SMAP1: variants seen among roughly 807,000 people sequenced by gnomAD.
SMAP1 encodes small ArfGAP 1.
SMAP1 carries 24 observed loss-of-function variants against 58.5 expected under a neutral mutation model. That is an observed-to-expected ratio of 0.41 (90% confidence interval 0.30 to 0.58). The LOEUF is 0.58. SMAP1 is among the 20% of genes least tolerant of loss of function. The probability of loss-of-function intolerance (pLI) is 0.29; values close to 1 mark genes in which losing one functional copy is unlikely to be tolerated. For missense variants in SMAP1, 563 were observed against 566.3 expected (o/e 0.99, Z 0.06); for synonymous variants, 216 against 196.6 (o/e 1.10, Z -0.82).
intron 10 of SMAP1, chr6:70,859,378 A>C (rs1220810738): frequency 1.3e-6 from 2 of 1,549,492 alleles, no homozygotes; most frequent in Non-Finnish European, 8.7e-7. Context: ...AGTGCAATCT[A>C]CTGGCCAATG....
At chr6:70,746,064 G>A (rs893338823) in intron 2 of SMAP1, among the ~76,000 whole-genome samples, 7 of 152,180 alleles carry the variant, frequency 4.6e-5, no homozygotes, top group African/African-American at 1.7e-4. Context: ...ATCTTAAGGA[G>A]ATTTTGGGCT....
At chr6:70,818,549 G>A (rs532232220) in intron 6 of SMAP1, among the ~76,000 whole-genome samples, 31 of 152,302 alleles carry the variant, frequency 2.0e-4, no homozygotes, top group African/African-American at 7.5e-4. Flanking sequence ...TTGGCCTTGA[G>A]GCAGGATGTT....
At chr6:70,716,822 G>T (rs1328106005) in intron 1 of SMAP1, among the ~76,000 whole-genome samples, 2 of 152,030 alleles carry the variant, frequency 1.3e-5, no homozygotes, top group African/African-American at 2.4e-5. Flanking sequence ...AAAATTCCTT[G>T]TTGGGTAAAT....
intron 3 of SMAP1, among the ~76,000 whole-genome samples, chr6:70,771,404 C>G (rs1383053770): frequency 6.6e-6 from 1 of 152,224 alleles, no homozygotes; most frequent in Non-Finnish European, 1.5e-5. Flanking sequence ...TGGGCTCCAC[C>G]CAGTTGGAGC....
intron 3 of SMAP1, among the ~76,000 whole-genome samples, chr6:70,758,300 T>C (rs373135238): frequency 6.8e-6 from 1 of 146,420 alleles, no homozygotes. Context: ...TATTCTCACT[T>C]ATAGGTGGGA....
chr6:70,760,972 A>G (rs1766723403), intron 3 of SMAP1, among the ~76,000 whole-genome samples: 1 of 152,008 alleles, frequency 6.6e-6, no homozygotes, highest in Non-Finnish European at 1.5e-5. Context: ...AAAAACTTTA[A>G]TTACTTCAGT....
At chr6:70,761,943 A>G (rs749020478) in intron 3 of SMAP1, among the ~76,000 whole-genome samples, 3 of 152,086 alleles carry the variant, frequency 2.0e-5, no homozygotes, top group Non-Finnish European at 2.9e-5. Context: ...GAGTATTACT[A>G]TCTTTTTTAC....
intron 8 of SMAP1, among the ~76,000 whole-genome samples, chr6:70,854,711 G>A (rs1247444664): frequency 6.6e-6 from 1 of 152,042 alleles, no homozygotes; most frequent in Non-Finnish European, 1.5e-5. Flanking sequence ...TGCATATATT[G>A]CTACCATGTA....
Position 70,732,290 on chromosome 6 carries a change from A to G in SMAP1, c.119-88A>G, listed in dbSNP as rs147769508. The stretch of plus-strand genomic sequence containing the variant: ...TTCTGTAAGCTTCCATTATAATTAT[A>G]TAAAACCGAGAATGCTTCTAATATG... On this transcript the variant is annotated intron_variant, in intron 1 of 10. Coordinates refer to ENST00000370455, the MANE Select transcript of SMAP1 (RefSeq NM_001044305.3). The G allele has an allele frequency of 4.3e-6, 6 of 1,384,800 alleles. No individual in the cohort carries two copies. The East Asian group carries it at 9.6e-5, about 22-fold the overall frequency. 85.8% of individuals were successfully genotyped at this position (1,384,800 alleles called of 1,614,324 possible). A position where few individuals can be genotyped will look rare whatever the true frequency, so the allele number is the denominator to read the frequency against.
At position 70,725,423 on chromosome 6, in the gene SMAP1, G is replaced by C. The variant is rs199691128; in HGVS notation, c.119-6955G>C. 1.1e-4 allele frequency among the ~76,000 whole-genome samples: 16 copies of C among 151,460 alleles called. No homozygotes were observed. In the East Asian group the frequency reaches 2.1e-3, roughly 20 times the overall value. ...GAGGGAAAACTTGTTTTTATGGCTT[G>C]TTTCCTGGTTTTCCTGGTAGTTCAC... is the stretch of plus-strand genomic sequence containing the variant. On this transcript the variant is annotated intron_variant, in intron 1 of 10. Coordinates refer to ENST00000370455, the MANE Select transcript of SMAP1 (RefSeq NM_001044305.3).
intron 6 of SMAP1, among the ~76,000 whole-genome samples, chr6:70,802,620 C>A (rs949166434): frequency 3.3e-5 from 5 of 152,108 alleles, no homozygotes; most frequent in Admixed American, 6.5e-5. Flanking sequence ...TTTGCCCATT[C>A]AGTATGATAT....
intron 1 of SMAP1, among the ~76,000 whole-genome samples, chr6:70,677,505 G>C (rs1766534459): frequency 8.0e-6 from 1 of 125,580 alleles, no homozygotes; most frequent in South Asian, 2.4e-4. Flanking sequence ...TGCAAACTCT[G>C]CCTGCCGGGT....
intron 2 of SMAP1, among the ~76,000 whole-genome samples, chr6:70,750,712 C>T (rs752289290): frequency 6.6e-6 from 1 of 152,114 alleles, no homozygotes; most frequent in Admixed American, 6.5e-5. Flanking sequence ...ACTAAAAACA[C>T]ATCGATTATG....
At chr6:70,693,554 G>A (rs1029184993) in intron 1 of SMAP1, among the ~76,000 whole-genome samples, 6 of 151,846 alleles carry the variant, frequency 4.0e-5, no homozygotes, top group South Asian at 2.1e-4. Context: ...CGCCTGCCTC[G>A]GCCTCCCAAA....
chr6:70,759,889 TATGCC>T, intron 3 of SMAP1: 1 of 448,472 alleles, frequency 2.2e-6, no homozygotes, highest in Admixed American at 2.4e-5. Flanking sequence ...GTGTTTGCCC[TATGCC>T]AAGCCCTGAC....
Position 70,837,005 on chromosome 6 carries a change from C to G in SMAP1, c.641C>G (p.Pro214Arg). Residue 214 changes from proline to arginine, a missense_variant, in exon 7 of 11, where the codon CCC becomes CGC. Coordinates refer to ENST00000370455, the MANE Select transcript of SMAP1 (RefSeq NM_001044305.3). The stretch of plus-strand genomic sequence containing the variant: ...ACCAGCCCTAAAAAAGCTGCGGAGC[C>G]CACTGTGGATCTTTTAGGACTTGGT... ...KSTSPKKAAEPTVDLLGLDGP... is the reference protein window; with the variant it reads ...KSTSPKKAAERTVDLLGLDGP... 6.3e-7 allele frequency: 1 copy of G among 1,598,328 alleles called. No homozygotes were observed. The highest frequency in any genetic ancestry group is 8.5e-7 in the Non-Finnish European group (1 of 1,172,862).
intron 6 of SMAP1, among the ~76,000 whole-genome samples, chr6:70,804,442 C>A (rs988940020): frequency 2.0e-5 from 3 of 151,832 alleles, no homozygotes; most frequent in Non-Finnish European, 4.4e-5. Context: ...TGGGTTTTGA[C>A]TCTATCCAGT....
At chr6:70,700,142 G>A (rs2149827209) in intron 1 of SMAP1, among the ~76,000 whole-genome samples, 1 of 152,196 alleles carries the variant, frequency 6.6e-6, no homozygotes, top group Non-Finnish European at 1.5e-5. Context: ...TTATTTAAAA[G>A]TGTGTGGCAC....
At chr6:70,801,348 C>G (rs1768844261) in intron 6 of SMAP1, among the ~76,000 whole-genome samples, 1 of 152,066 alleles carries the variant, frequency 6.6e-6, no homozygotes, top group Admixed American at 6.5e-5. Flanking sequence ...TATCCTTTGC[C>G]CACTTTTTGA....
Sources: gnomAD v4.1 joint callset for allele counts (sites outside exome capture counted in the v4.1 genomes callset) on GRCh38, gnomAD v4.1.1 for gene constraint, MANE v1.5 for transcripts, NCBI Gene and HGNC (gene_info 2026-07-23, HGNC 2026-07-21) for gene names.